The following KCNIP4 variants were observed in gnomAD, a reference collection of about 807,000 sequenced individuals.
KCNIP4 encodes the protein Kv channel-interacting protein 4.
A neutral mutation model predicts 34.0 loss-of-function variants in KCNIP4; 12 were observed. The ratio of observed to expected loss-of-function variants is 0.35; its 90% confidence interval spans 0.23 to 0.57. KCNIP4 has a LOEUF of 0.57. KCNIP4 is among the 20% of genes least tolerant of loss of function. The pLI is 0.83. For synonymous variants in KCNIP4, 124 were observed against 102.2 expected, an observed-to-expected ratio of 1.21 and a Z score of -1.29; for missense variants, 238 against 311.7, an observed-to-expected ratio of 0.76 and a Z score of 1.78.
rs1281543089 is a variant in KCNIP4 at position 21,556,920 on chromosome 4, C to CAAAAAAAAAAAAAAAAAAAAA, written c.61+391650_61+391651insTTTTTTTTTTTTTTTTTTTTT. ...TGATCAACAAAGCAAGACTCCATCT[C>CAAAAAAAAAAAAAAAAAAAAA]AGAAAAAAAAAAAAAAAAAAAAACC... On this transcript the variant is annotated intron_variant, in intron 1 of 8. Transcript: ENST00000382152. Among the ~76,000 whole-genome samples, 40 of 35,552 alleles carry CAAAAAAAAAAAAAAAAAAAAA rather than the reference C, an allele frequency of 1.1e-3. 8 individuals are homozygous for CAAAAAAAAAAAAAAAAAAAAA. Among genetic ancestry groups the CAAAAAAAAAAAAAAAAAAAAA allele is most frequent in the East Asian group, 0.01 (8 of 798 alleles). The allele number at this position is 35,552 out of a possible 152,430, so 23.3% of individuals were successfully genotyped here. A position where few individuals can be genotyped will look rare whatever the true frequency, so the allele number is the denominator to read the frequency against.
At position 21,907,363 on chromosome 4, in the gene KCNIP4, A is replaced by G. The variant is rs145134886; in HGVS notation, c.61+41208T>C. ...CCGCTTTTCCACCATGTTATGAGGC[A>G]GTACGAAAGCCTTCACCAGAAGCTG... On this transcript the variant is annotated intron_variant, in intron 1 of 8. Transcript: ENST00000382152. 6.0e-3 allele frequency among the ~76,000 whole-genome samples: 919 copies of G among 152,276 alleles called. 9 individuals carry two copies. The highest frequency in any genetic ancestry group is 0.02 in the African/African-American group (817 of 41,562).
intron 5 of KCNIP4, among the ~76,000 whole-genome samples, chr4:20,748,591 T>TATATATATTTTCC (rs1752927005): frequency 9.8e-6 from 1 of 102,404 alleles, no homozygotes; most frequent in Admixed American, 9.8e-5. Context: ...TATATATATA[T>TATATATATTTTCC]ATATATATAT....
At chr4:21,736,402 T>C (rs546773686) in intron 1 of KCNIP4, among the ~76,000 whole-genome samples, 69 of 152,304 alleles carry the variant, frequency 4.5e-4, no homozygotes, top group African/African-American at 1.6e-3. Flanking sequence ...TTAAACATCT[T>C]TAAAATATCC....
At chr4:21,291,525 C>T (rs973918501) in intron 1 of KCNIP4, among the ~76,000 whole-genome samples, 2 of 151,978 alleles carry the variant, frequency 1.3e-5, no homozygotes, top group East Asian at 3.9e-4. Flanking sequence ...AACACAGACA[C>T]AAGAGAAGTA....
intron 1 of KCNIP4, among the ~76,000 whole-genome samples, chr4:20,912,859 A>G (rs1188034868): frequency 6.6e-6 from 1 of 152,184 alleles, no homozygotes; most frequent in Non-Finnish European, 1.5e-5. Flanking sequence ...GTAAGGCTAT[A>G]ATAAAAAAGG....
chr4:21,577,897 G>T (rs1366892597), intron 1 of KCNIP4, among the ~76,000 whole-genome samples: 11 of 152,130 alleles, frequency 7.2e-5, no homozygotes, highest in African/African-American at 2.2e-4. Context: ...TCATTTACTA[G>T]TATTCATTTT....
intron 1 of KCNIP4, among the ~76,000 whole-genome samples, chr4:21,172,023 GTTGTT>G (rs1042356207): frequency 5.3e-5 from 8 of 152,132 alleles, no homozygotes; most frequent in Admixed American, 3.9e-4. Context: ...CTATTCTGAT[GTTGTT>G]TTGTTTTGTT....
intron 5 of KCNIP4, among the ~76,000 whole-genome samples, chr4:20,743,511 C>A (rs544429605): frequency 5.5e-4 from 84 of 152,196 alleles, no homozygotes; most frequent in African/African-American, 1.9e-3. Flanking sequence ...CAGAAACAAG[C>A]AATGGGGAAA....
At chr4:21,767,551 T>A (rs16871884) in intron 1 of KCNIP4, among the ~76,000 whole-genome samples, 13,245 of 152,058 alleles carry the variant, frequency 0.087, 1,943 homozygotes, top group African/African-American at 0.3. Flanking sequence ...TGACCTTGAG[T>A]TTAATTAACC....
intron 1 of KCNIP4, among the ~76,000 whole-genome samples, chr4:20,963,308 C>A (rs933202931): frequency 6.1e-5 from 9 of 148,438 alleles, no homozygotes; most frequent in Non-Finnish European, 8.9e-5. Flanking sequence ...GCCTGGGCGA[C>A]AGAGCGAGAC....
At chr4:20,999,083 T>C (rs1737825311) in intron 1 of KCNIP4, among the ~76,000 whole-genome samples, 1 of 152,204 alleles carries the variant, frequency 6.6e-6, no homozygotes, top group South Asian at 2.1e-4. Flanking sequence ...TAACTCACTC[T>C]TCATTCTAGA....
intron 1 of KCNIP4, chr4:21,697,652 G>A (rs980589607): frequency 1.1e-5 from 14 of 1,302,548 alleles, no homozygotes; most frequent in Non-Finnish European, 1.3e-5. Flanking sequence ...TAACAGGGAG[G>A]TGAGAAAACA....
intron 1 of KCNIP4, among the ~76,000 whole-genome samples, chr4:21,071,470 C>A (rs1034601313): frequency 6.6e-6 from 1 of 152,102 alleles, no homozygotes; most frequent in East Asian, 1.9e-4. Flanking sequence ...CCATACCACA[C>A]AGGACTATTG....
At chr4:21,330,747 T>C (rs754781502) in intron 1 of KCNIP4, among the ~76,000 whole-genome samples, 17 of 152,206 alleles carry the variant, frequency 1.1e-4, no homozygotes, top group African/African-American at 1.4e-4. Flanking sequence ...ACTTGCTTAC[T>C]CTTACCTCAA....
At chr4:21,094,299 T>C (rs1178193786) in intron 1 of KCNIP4, among the ~76,000 whole-genome samples, 1 of 151,960 alleles carries the variant, frequency 6.6e-6, no homozygotes, top group Non-Finnish European at 1.5e-5. Context: ...CACAGAAAAA[T>C]TACAACTTCC....
At chr4:21,118,343 C>T (rs1275523179) in intron 1 of KCNIP4, among the ~76,000 whole-genome samples, 1 of 152,146 alleles carries the variant, frequency 6.6e-6, no homozygotes, top group Non-Finnish European at 1.5e-5. Flanking sequence ...GCGTCCCTGA[C>T]TTTTGCCTTG....
intron 1 of KCNIP4, among the ~76,000 whole-genome samples, chr4:21,522,047 A>C (rs1052828284): frequency 6.6e-6 from 1 of 152,182 alleles, no homozygotes; most frequent in Non-Finnish European, 1.5e-5. Flanking sequence ...TTTAAACACT[A>C]ATTACTTCAA....
At chr4:21,031,151 T>TA (rs1740991348) in intron 1 of KCNIP4, among the ~76,000 whole-genome samples, 1 of 152,230 alleles carries the variant, frequency 6.6e-6, no homozygotes, top group Non-Finnish European at 1.5e-5. Context: ...AGCTTTCCTC[T>TA]CTTCCTTGTT....
chr4:21,938,934 G>T (rs150512519), intron 1 of KCNIP4, among the ~76,000 whole-genome samples: 2 of 151,954 alleles, frequency 1.3e-5, no homozygotes, highest in African/African-American at 4.8e-5. Flanking sequence ...ATTGATAAAC[G>T]CATTTTAAAT....
Sources: gnomAD v4.1 joint callset for allele counts (sites outside exome capture counted in the v4.1 genomes callset) on GRCh38, gnomAD v4.1.1 for gene constraint, MANE v1.5 for transcripts, NCBI Gene and HGNC (gene_info 2026-07-23, HGNC 2026-07-21) for gene names.